MIS18A: variants seen among roughly 807,000 people sequenced by gnomAD.
MIS18A encodes the protein MIS18 kinetochore protein A.
A neutral mutation model predicts 25.0 loss-of-function variants in MIS18A; 14 were observed. That is an observed-to-expected ratio of 0.56 (90% CI 0.37 to 0.88). The LOEUF (loss-of-function observed/expected upper bound fraction) is 0.88. Ranked by LOEUF, MIS18A falls within the 40% of genes least tolerant of loss-of-function variation. MIS18A has a pLI of 0.00. For missense variants in MIS18A, 292 were observed against 290.8 expected (o/e 1.00, Z -0.03); for synonymous variants, 134 against 118.6 (o/e 1.13, Z -0.84).
At chr21:32,274,288 T>C (rs2031769166) in intron 2 of MIS18A, among the ~76,000 whole-genome samples, 1 of 125,372 alleles carries the variant, frequency 8.0e-6, no homozygotes, top group Admixed American at 1.0e-4. Flanking sequence ...CACTGCAACC[T>C]CCACCTCCGT....
At chr21:32,167,489 A>G in the MIS18A span, among the ~76,000 whole-genome samples, 226 of 152,366 alleles carry the variant, frequency 1.5e-3, 1 homozygote, top group African/African-American at 5.4e-3. Flanking sequence ...AATTAAAAAC[A>G]TAACATGAGG....
chr21:32,249,038 C>A, the MIS18A span, among the ~76,000 whole-genome samples: 1 of 152,118 alleles, frequency 6.6e-6, no homozygotes, highest in Non-Finnish European at 1.5e-5. Context: ...TTTGGAAAGG[C>A]CCCAAAATAA....
At chr21:32,222,384 G>A in the MIS18A span, among the ~76,000 whole-genome samples, 41 of 152,214 alleles carry the variant, frequency 2.7e-4, no homozygotes, top group African/African-American at 7.7e-4. Context: ...ACAGATCAAC[G>A]AGACAGAAAA....
At chr21:32,247,874 G>A in the MIS18A span, among the ~76,000 whole-genome samples, 1,128 of 152,278 alleles carry the variant, frequency 7.4e-3, 13 homozygotes, top group African/African-American at 0.025. Context: ...GGGGCAGCCC[G>A]GAAGATTCAT....
the MIS18A span, among the ~76,000 whole-genome samples, chr21:32,171,758 T>G: frequency 1.3e-5 from 2 of 152,022 alleles, no homozygotes; most frequent in Non-Finnish European, 2.9e-5. Flanking sequence ...CAGTCCACAA[T>G]TGACTGAAAC....
the MIS18A span, among the ~76,000 whole-genome samples, chr21:32,198,814 G>A: frequency 1.3e-5 from 2 of 152,040 alleles, no homozygotes; most frequent in Non-Finnish European, 2.9e-5. Context: ...GGTGGCTTTA[G>A]TCCATATGTT....
chr21:32,171,789 T>C, the MIS18A span, among the ~76,000 whole-genome samples: 1 of 152,028 alleles, frequency 6.6e-6, no homozygotes, highest in African/African-American at 2.4e-5. Context: ...GGCACATGAT[T>C]GTACAAGATT....
the MIS18A span, among the ~76,000 whole-genome samples, chr21:32,232,822 A>G: frequency 2.0e-5 from 3 of 152,316 alleles, no homozygotes; most frequent in South Asian, 4.1e-4. Flanking sequence ...AATAAAACCT[A>G]GAGACCTAAT....
chr21:32,208,572 C>G, the MIS18A span, among the ~76,000 whole-genome samples: 1 of 152,180 alleles, frequency 6.6e-6, no homozygotes. Flanking sequence ...AATTAAACCT[C>G]TTTTCTTTAT....
At chr21:32,167,668 A>T in the MIS18A span, among the ~76,000 whole-genome samples, 1 of 152,238 alleles carries the variant, frequency 6.6e-6, no homozygotes, top group African/African-American at 2.4e-5. Context: ...AATTGTAACA[A>T]TATATGCAGA....
At chr21:32,172,605 T>C in the MIS18A span, among the ~76,000 whole-genome samples, 2 of 146,550 alleles carry the variant, frequency 1.4e-5, no homozygotes, top group Non-Finnish European at 3.0e-5. Flanking sequence ...TTTTTTTTTT[T>C]AACAGAGACT....
At chr21:32,254,749 T>C in the MIS18A span, among the ~76,000 whole-genome samples, 1 of 152,156 alleles carries the variant, frequency 6.6e-6, no homozygotes, top group African/African-American at 2.4e-5. Context: ...TTATTCTCAT[T>C]GTATGTTCAT....
At chr21:32,235,375 G>T in the MIS18A span, among the ~76,000 whole-genome samples, 1 of 152,196 alleles carries the variant, frequency 6.6e-6, no homozygotes, top group African/African-American at 2.4e-5. Flanking sequence ...TTGGGCTGCA[G>T]CTGAGACCAC....
chr21:32,175,428 C>T, the MIS18A span, among the ~76,000 whole-genome samples: 1 of 152,004 alleles, frequency 6.6e-6, no homozygotes, highest in Non-Finnish European at 1.5e-5. Flanking sequence ...AAGAATAAAC[C>T]TTAGCTTACT....
chr21:32,220,329 G>A, the MIS18A span, among the ~76,000 whole-genome samples: 1 of 152,206 alleles, frequency 6.6e-6, no homozygotes, highest in African/African-American at 2.4e-5. Flanking sequence ...TGATACCCTG[G>A]CAAACAGGAT....
the MIS18A span, among the ~76,000 whole-genome samples, chr21:32,210,327 T>C: frequency 4.6e-5 from 7 of 152,208 alleles, no homozygotes; most frequent in African/African-American, 1.7e-4. Context: ...CACCATGGTG[T>C]TGTCATTATT....
the MIS18A span, among the ~76,000 whole-genome samples, chr21:32,230,426 G>C: frequency 6.6e-6 from 1 of 152,146 alleles, no homozygotes; most frequent in East Asian, 1.9e-4. Flanking sequence ...TTTACACAGA[G>C]CCTGGCTCCC....
chr21:32,255,316 C>T, the MIS18A span, among the ~76,000 whole-genome samples: 10 of 151,842 alleles, frequency 6.6e-5, no homozygotes, highest in African/African-American at 2.2e-4. Context: ...CTGCAACCTC[C>T]GCCTTCCGGG....
chr21:32,253,370 T>C, the MIS18A span, among the ~76,000 whole-genome samples: 1 of 151,994 alleles, frequency 6.6e-6, no homozygotes, highest in South Asian at 2.1e-4. Context: ...AAGCTTTCCA[T>C]TCATGTTACC....
Sources: allele counts gnomAD v4.1 joint callset (sites outside exome capture counted in the v4.1 genomes callset), GRCh38; gene constraint gnomAD v4.1.1; transcripts MANE v1.5; gene names NCBI Gene and HGNC (gene_info 2026-07-23, HGNC 2026-07-21).